Variants in ACAD10 observed in about 807,000 individuals in gnomAD.
ACAD10 encodes ACAD-10.
ACAD10 carries 112 observed loss-of-function variants against 116.8 expected under a neutral mutation model. That is an observed-to-expected ratio of 0.96 (90% CI 0.82 to 1.12). The LOEUF (loss-of-function observed/expected upper bound fraction) is 1.12, where lower values mean the gene tolerates loss of function less well. ACAD10 is among the 50% of genes most tolerant of loss of function. The pLI is 0.00. For missense variants in ACAD10, 1,259 were observed against 1,350.2 expected (o/e 0.93, Z 1.06); for synonymous variants, 486 against 510.6 (o/e 0.95, Z 0.65).
At chr12:111,723,263 G>C (rs1228594273) in intron 8 of ACAD10, among the ~76,000 whole-genome samples, 2 of 133,698 alleles carry the variant, frequency 1.5e-5, no homozygotes, top group Non-Finnish European at 3.3e-5. Flanking sequence ...CCCAGTAGGG[G>C]CGGCCGGGCA....
intron 12 of ACAD10, among the ~76,000 whole-genome samples, chr12:111,737,587 A>G (rs1250292325): frequency 2.0e-5 from 3 of 152,200 alleles, no homozygotes; most frequent in Admixed American, 6.5e-5. Flanking sequence ...TTGGTCATAT[A>G]GAATTATGTA....
chr12:111,737,519 T>G (rs1889604508), intron 12 of ACAD10, among the ~76,000 whole-genome samples: 1 of 152,168 alleles, frequency 6.6e-6, no homozygotes, highest in Non-Finnish European at 1.5e-5. Context: ...TTTTTAATTA[T>G]TAAAGTAATG....
At chr12:111,711,409 G>T (rs760088218) in intron 5 of ACAD10, among the ~76,000 whole-genome samples, 15 of 151,916 alleles carry the variant, frequency 9.9e-5, no homozygotes, top group Non-Finnish European at 2.1e-4. Flanking sequence ...CACTGTGTTA[G>T]CTAGGATGGT....
At chr12:111,714,015 T>TG (rs1261976615) in intron 6 of ACAD10, among the ~76,000 whole-genome samples, 7 of 151,096 alleles carry the variant, frequency 4.6e-5, no homozygotes, top group South Asian at 2.1e-4. Context: ...GAGGCCGAGA[T>TG]GGGCGGATCA....
At chr12:111,723,147 A>G (rs1352932706) in intron 8 of ACAD10, among the ~76,000 whole-genome samples, 4 of 89,834 alleles carry the variant, frequency 4.5e-5, no homozygotes, top group Admixed American at 1.2e-4. Context: ...CGGGGGGCTG[A>G]CCCCCCCACC....
intron 3 of ACAD10, 65 bp from the exon 4 acceptor site, chr12:111,705,673 T>G: frequency 1.4e-6 from 2 of 1,433,888 alleles, no homozygotes; most frequent in Non-Finnish European, 1.9e-6. Flanking sequence ...TTTTTTTTTC[T>G]GTTGGCCATG....
intron 12 of ACAD10, among the ~76,000 whole-genome samples, chr12:111,737,561 T>C (rs892759621): frequency 2.6e-5 from 4 of 152,194 alleles, no homozygotes; most frequent in Admixed American, 2.6e-4. Context: ...AAAGCATTCA[T>C]GCACATGATC....
chr12:111,727,334 C>G (rs1889243561), intron 8 of ACAD10, among the ~76,000 whole-genome samples: 1 of 152,226 alleles, frequency 6.6e-6, no homozygotes, highest in Non-Finnish European at 1.5e-5. Flanking sequence ...ACCATCCTGG[C>G]TAACACGGTG....
intron 1 of ACAD10, among the ~76,000 whole-genome samples, chr12:111,687,731 C>G (rs2135938347): frequency 6.6e-6 from 1 of 152,282 alleles, no homozygotes; most frequent in South Asian, 2.1e-4. Flanking sequence ...TGTCCCTGTT[C>G]TACAGAGGAG....
chr12:111,748,887 C>A, intron 17 of ACAD10: 2 of 979,002 alleles, frequency 2.0e-6, no homozygotes, highest in Non-Finnish European at 3.1e-6. Context: ...TTCATAGGAT[C>A]ACTACATTGT....
At chr12:111,687,720 A>G (rs1887914073) in intron 1 of ACAD10, among the ~76,000 whole-genome samples, 2 of 152,332 alleles carry the variant, frequency 1.3e-5, no homozygotes, top group African/African-American at 4.8e-5. Context: ...AACTGGTACT[A>G]TGTCCCTGTT....
intron 8 of ACAD10, among the ~76,000 whole-genome samples, chr12:111,725,071 AAAATT>A (rs1377015035): frequency 6.6e-6 from 1 of 152,244 alleles, no homozygotes; most frequent in Non-Finnish European, 1.5e-5. Context: ...ATCTAGATCA[AAAATT>A]AAAACATTGT....
intron 12 of ACAD10, 166 bp from the exon 13 acceptor site, chr12:111,744,477 T>C (rs1714724281): frequency 1.3e-6 from 1 of 799,130 alleles, no homozygotes; most frequent in Non-Finnish European, 2.0e-6. Flanking sequence ...GCAGTTGTAT[T>C]GCTTTGGGGA....
intron 8 of ACAD10, among the ~76,000 whole-genome samples, chr12:111,723,220 G>A (rs1889083695): frequency 7.1e-6 from 1 of 141,820 alleles, no homozygotes; most frequent in Admixed American, 6.8e-5. Context: ...CTCCCGGACG[G>A]GGCGGCTGGC....
At chr12:111,700,670 G>T (rs959991414) in intron 2 of ACAD10, among the ~76,000 whole-genome samples, 1 of 149,986 alleles carries the variant, frequency 6.7e-6, no homozygotes, top group Non-Finnish European at 1.5e-5. Flanking sequence ...ACATATACCA[G>T]ATTGTTAACA....
At chr12:111,704,913 T>C (rs1888456199) in intron 3 of ACAD10, among the ~76,000 whole-genome samples, 1 of 151,888 alleles carries the variant, frequency 6.6e-6, no homozygotes, top group South Asian at 2.1e-4. Flanking sequence ...GGTCTCGATC[T>C]CCTGACCTCG....
chr12:111,707,876 G>A (rs1025254729), intron 4 of ACAD10, among the ~76,000 whole-genome samples: 5 of 152,174 alleles, frequency 3.3e-5, no homozygotes, highest in African/African-American at 1.2e-4. Context: ...TGTTTCCCTG[G>A]AGGCTTTCAT....
chr12:111,694,927 C>T (rs1464142395), intron 2 of ACAD10, among the ~76,000 whole-genome samples: 1 of 152,094 alleles, frequency 6.6e-6, no homozygotes, highest in East Asian at 1.9e-4. Flanking sequence ...ACTTGAGGGG[C>T]TGCGGTGGGA....
At chr12:111,702,643 A>C (rs1888381921) in intron 3 of ACAD10, among the ~76,000 whole-genome samples, 1 of 151,960 alleles carries the variant, frequency 6.6e-6, no homozygotes. Flanking sequence ...AGGCAGGAGA[A>C]TTGCTTGAAC....
Sources: allele counts gnomAD v4.1 joint callset (sites outside exome capture counted in the v4.1 genomes callset), GRCh38; gene constraint gnomAD v4.1.1; transcripts MANE v1.5; gene names NCBI Gene and HGNC (gene_info 2026-07-23, HGNC 2026-07-21).